The following CDH26 variants were observed in gnomAD, a reference collection of about 807,000 sequenced individuals.
CDH26 encodes cadherin-like protein 26.
In CDH26, 83 loss-of-function variants were observed where a neutral mutation model predicts 90.3. The observed-to-expected ratio is 0.92, with a 90% CI of 0.77 to 1.10. The LOEUF is 1.10. CDH26 is among the 50% of genes least tolerant of loss of function. The pLI is 0.00. For synonymous variants in CDH26, 397 were observed against 396.3 expected, an observed-to-expected ratio of 1.00 and a Z score of -0.02; for missense variants, 1,013 against 1,037.6, an observed-to-expected ratio of 0.98 and a Z score of 0.33.
At chr20:60,023,212 C>T (rs2061971931) in intron 7 of CDH26, among the ~76,000 whole-genome samples, 1 of 152,236 alleles carries the variant, frequency 6.6e-6, no homozygotes, top group Non-Finnish European at 1.5e-5. Flanking sequence ...GGGAGCCCTA[C>T]TCCACTCCTG....
chr20:59,999,671 G>A lies in CDH26; in HGVS notation c.2097+8G>A. 1 of 1,613,626 alleles carries A rather than the reference G, an allele frequency of 6.2e-7. No homozygotes were observed. Among genetic ancestry groups the A allele is most frequent in the South Asian group, 1.1e-5 (1 of 91,034 alleles). ...CCCACGCAGGGAGTTAAGGTAACAT[G>A]CCCCTTACTTGCTTCTGGATTTCAG... On this transcript the variant is annotated splice_region_variant and intron_variant, in intron 14 of 17. Transcript: ENST00000348616.
chr20:59,970,294 G>A, intron 3 of CDH26, 108 bp downstream of exon 3: 12 of 1,431,072 alleles, frequency 8.4e-6, no homozygotes, highest in Non-Finnish European at 1.1e-5. Context: ...TGAGGCCAGG[G>A]AGTGAAGTAG....
rs767552591 is a variant in CDH26 at position 59,992,519 on chromosome 20, T to C, written c.1425T>C (p.Asp475=). The C allele has an allele frequency of 1.2e-6, 2 of 1,613,572 alleles. No individual in the cohort carries two copies. Among genetic ancestry groups the C allele is most frequent in the South Asian group, 2.2e-5 (2 of 90,948 alleles). Residue 475 remains aspartate, a splice_region_variant and synonymous_variant, in exon 10 of 18, where the codon GAT becomes GAC. Transcript: ENST00000348616. The surrounding 1 kb of genome is among the most constrained non-coding windows in gnomAD (Gnocchi z 5.0). ...FYVIIIHAVD[D]GFPPQTATGT... ...TAATCATCATTCACGCTGTTGATGA[T>C]GGTGAGTGTTTACCCAAAATTGGAA...
chr20:60,021,627 A>G (rs898269880), intron 7 of CDH26, among the ~76,000 whole-genome samples: 5 of 152,086 alleles, frequency 3.3e-5, no homozygotes, highest in South Asian at 4.1e-4. Flanking sequence ...ACTGGCTACA[A>G]AATGTCAGCA....
At chr20:60,003,926 C>T (rs913701525) in intron 16 of CDH26, among the ~76,000 whole-genome samples, 4 of 152,120 alleles carry the variant, frequency 2.6e-5, no homozygotes, top group African/African-American at 7.2e-5. Flanking sequence ...AAGTCTACCT[C>T]GGGAAGGAGC....
chr20:59,996,500 A>G, intron 12 of CDH26, 131 bp from the exon 13 acceptor site: 1 of 1,612,996 alleles, frequency 6.2e-7, no homozygotes, highest in Non-Finnish European at 8.5e-7. Flanking sequence ...TTATAGCTAC[A>G]CAGATGACTA....
intron 1 of CDH26, among the ~76,000 whole-genome samples, chr20:59,966,245 A>C (rs1270317049): frequency 1.3e-5 from 2 of 149,954 alleles, no homozygotes; most frequent in Non-Finnish European, 3.0e-5. Context: ...AAAAAAAAAA[A>C]AAAAAAAAAA....
In CDH26 at chr20:59,989,064, C is replaced by A; in HGVS notation, c.1184C>A (p.Ala395Asp). The A allele has an allele frequency of 1.2e-6, 2 of 1,614,214 alleles. No individual in the cohort carries two copies. The highest frequency in any genetic ancestry group is 8.5e-7 in the Non-Finnish European group (1 of 1,180,046). Reference sequence around the variant, plus strand: ...GTGACAGACGCCAACGACCCACCAGCCTTTCACCCCCAGAGCTTCATTGTC... The same window carrying A: ...GTGACAGACGCCAACGACCCACCAGACTTTCACCCCCAGAGCTTCATTGTC... ...VQVTDANDPP[A>D]FHPQSFIVNK... The change falls in exon 9 of 18, where the codon GCC becomes GAC. Residue 395 changes from alanine to aspartate, a missense_variant. By Grantham distance (126) the Ala-to-Asp change is moderately radical. Transcript: ENST00000348616.
downstream of CDH26, among the ~76,000 whole-genome samples, chr20:60,019,321 T>A (rs972007534): frequency 3.3e-5 from 5 of 152,200 alleles, no homozygotes; most frequent in African/African-American, 1.2e-4. Flanking sequence ...TTTTCCATTC[T>A]CTTCTCCTTC....
intron 17 of CDH26, among the ~76,000 whole-genome samples, chr20:60,010,798 C>T (rs761359417): frequency 3.3e-5 from 5 of 151,668 alleles, no homozygotes; most frequent in Admixed American, 6.5e-5. Flanking sequence ...TGGCTTAATG[C>T]GCAGAGCAGG....
intron 7 of CDH26, among the ~76,000 whole-genome samples, chr20:60,026,983 A>G (rs1038817083): frequency 6.6e-6 from 1 of 152,204 alleles, no homozygotes; most frequent in Non-Finnish European, 1.5e-5. Flanking sequence ...GACTATTGGT[A>G]TGCGGCTCCT....
chr20:59,989,528 C>T (rs979510186), intron 9 of CDH26, among the ~76,000 whole-genome samples: 2 of 139,548 alleles, frequency 1.4e-5, no homozygotes, highest in African/African-American at 6.0e-5. Flanking sequence ...GAGCGAGACT[C>T]CGTCTCAAAA....
chr20:59,980,608 T>C (rs188601676), intron 4 of CDH26, among the ~76,000 whole-genome samples: 18 of 152,336 alleles, frequency 1.2e-4, no homozygotes, highest in Non-Finnish European at 2.1e-4. Flanking sequence ...ATATATTGTT[T>C]GTTTTCTTAT....
At chr20:60,020,408 G>A (rs1184301639) in intron 7 of CDH26, among the ~76,000 whole-genome samples, 1 of 152,202 alleles carries the variant, frequency 6.6e-6, no homozygotes, top group Admixed American at 6.5e-5. Context: ...GCATGCAGTG[G>A]TTTGGCTGGC....
chr20:59,992,762 C>T lies in CDH26; in HGVS notation c.1426+242C>T, dbSNP rs2061543851. On this transcript the variant is annotated intron_variant, in intron 10 of 17. Coordinates refer to ENST00000348616, the MANE Select transcript of CDH26 (RefSeq NM_177980.4). The surrounding 1 kb of genome is among the most constrained non-coding windows in gnomAD (Gnocchi z 5.0). ...GACAATTAAACCAGCAAGGAGGCTG[C>T]AATCAAACCCAGCATCTTTTTCATC... 6.6e-6 allele frequency among the ~76,000 whole-genome samples: 1 copy of T among 152,146 alleles called. No individual in the cohort carries two copies. The highest frequency in any genetic ancestry group is 2.4e-5 in the African/African-American group (1 of 41,418).
chr20:60,021,897 C>CACACACACATAT (rs1295572684), intron 7 of CDH26, among the ~76,000 whole-genome samples: 11 of 79,000 alleles, frequency 1.4e-4, no homozygotes, highest in African/African-American at 2.8e-4. Context: ...CACACACACA[C>CACACACACATAT]ATATATATAT....
chr20:59,985,154 G>A (rs377341749), intron 7 of CDH26, 25 bp downstream of exon 7: 33 of 1,611,412 alleles, frequency 2.0e-5, no homozygotes, highest in Middle Eastern at 1.7e-4. Context: ...CCGCCCCAAC[G>A]TCTAAGCCCC....
intron 15 of CDH26, among the ~76,000 whole-genome samples, chr20:60,001,835 T>A (rs2061680875): frequency 6.6e-6 from 1 of 152,228 alleles, no homozygotes; most frequent in Non-Finnish European, 1.5e-5. Context: ...GTACTCTACA[T>A]ACAAATTCCA....
chr20:59,959,256 A>G (rs2061036655), intron 1 of CDH26, among the ~76,000 whole-genome samples: 1 of 151,836 alleles, frequency 6.6e-6, no homozygotes, highest in East Asian at 1.9e-4. Context: ...ACTTACCACC[A>G]CGCTGGCTAA....
Sources: allele counts gnomAD v4.1 joint callset (sites outside exome capture counted in the v4.1 genomes callset), GRCh38; gene constraint gnomAD v4.1.1; non-coding constraint Gnocchi (gnomAD v3.1); transcripts MANE v1.5; gene names NCBI Gene and HGNC (gene_info 2026-07-23, HGNC 2026-07-21).